The following ANKRD44 variants were observed in gnomAD, a reference collection of about 807,000 sequenced individuals.
The protein encoded by ANKRD44 is ankyrin repeat domain 44.
Under a neutral mutation model 116.0 loss-of-function variants are expected in ANKRD44, and 35 were observed. The observed-to-expected ratio is 0.30, with a 90% CI of 0.23 to 0.40. The LOEUF is 0.40. Ranked by LOEUF, ANKRD44 falls within the 10% of genes least tolerant of loss-of-function variation. The pLI is 1.00. For missense variants in ANKRD44, 1,014 were observed against 1,242.6 expected, an observed-to-expected ratio of 0.82 and a Z score of 2.77; for synonymous variants, 435 against 461.8, an observed-to-expected ratio of 0.94 and a Z score of 0.74.
intron 1 of ANKRD44, among the ~76,000 whole-genome samples, chr2:197,231,762 A>G (rs780806251): frequency 1.3e-5 from 2 of 152,052 alleles, no homozygotes; most frequent in Non-Finnish European, 2.9e-5. Flanking sequence ...ACTCTGCTCA[A>G]AGTCTTGAAT....
chr2:196,967,865 G>A (rs3901037), intron 21 of ANKRD44, among the ~76,000 whole-genome samples: 87,659 of 151,612 alleles, frequency 0.58, 28,041 homozygotes, highest in East Asian at 0.82. Context: ...GCTGGAGGTG[G>A]GGTGGGAGGT....
chr2:197,049,078 T>C (rs2077057255), intron 16 of ANKRD44, among the ~76,000 whole-genome samples: 1 of 152,222 alleles, frequency 6.6e-6, no homozygotes, highest in South Asian at 2.1e-4. Flanking sequence ...TTCTGGATAT[T>C]AGCCCTTTGT....
intron 1 of ANKRD44, among the ~76,000 whole-genome samples, chr2:197,300,654 G>A (rs1480589318): frequency 6.6e-6 from 1 of 151,778 alleles, no homozygotes; most frequent in East Asian, 1.9e-4. Context: ...ATCCTAATGT[G>A]TGATGGCTAA....
intron 2 of ANKRD44, among the ~76,000 whole-genome samples, chr2:197,184,639 C>CCA (rs2080607463): frequency 1.1e-5 from 1 of 92,324 alleles, no homozygotes. Context: ...GACTCCATCT[C>CCA]AAAAAAAAAA....
intron 4 of ANKRD44, among the ~76,000 whole-genome samples, chr2:197,127,736 T>C (rs2079008729): frequency 6.6e-6 from 1 of 152,210 alleles, no homozygotes; most frequent in Non-Finnish European, 1.5e-5. Flanking sequence ...TAAATGCATG[T>C]ATGGTGGTTT....
At chr2:197,307,449 A>C (rs2084105134) in intron 1 of ANKRD44, among the ~76,000 whole-genome samples, 1 of 151,884 alleles carries the variant, frequency 6.6e-6, no homozygotes, top group African/African-American at 2.4e-5. Context: ...CCCTGTGAAG[A>C]GGAAAACAGA....
chr2:197,252,607 C>T (rs536106762), intron 1 of ANKRD44, among the ~76,000 whole-genome samples: 1 of 152,192 alleles, frequency 6.6e-6, no homozygotes, highest in Non-Finnish European at 1.5e-5. Context: ...GGGGTTTCAC[C>T]GTGTATAACC....
At chr2:197,299,163 T>G (rs2083817259) in intron 1 of ANKRD44, among the ~76,000 whole-genome samples, 1 of 152,208 alleles carries the variant, frequency 6.6e-6, no homozygotes, top group South Asian at 2.1e-4. Context: ...AATTTATGGA[T>G]TTATATTTCC....
intron 27 of ANKRD44, chr2:196,990,991 C>A: frequency 8.4e-7 from 1 of 1,193,930 alleles, no homozygotes; most frequent in Non-Finnish European, 1.0e-6. Context: ...CACGAGCATT[C>A]CACAGTACAT....
Position 197,011,767 on chromosome 2 carries a change from C to A in ANKRD44, c.1924+1744G>T, listed in dbSNP as rs199562362. Among the ~76,000 whole-genome samples, 3 of 152,288 alleles carry A rather than the reference C, an allele frequency of 2.0e-5. No homozygotes were observed. In the East Asian group the frequency reaches 5.8e-4, roughly 29 times the overall value. The stretch of plus-strand genomic sequence containing the variant: ...GGATTACAGGCATGAACCACTGCGC[C>A]CAGCCCCTCAGGTAAATCTAAGTTC... On this transcript the variant is annotated intron_variant, in intron 18 of 27. Coordinates refer to ENST00000282272, the MANE Select transcript of ANKRD44 (RefSeq NM_001195144.2).
chr2:197,147,785 C>T lies in ANKRD44; in HGVS notation c.112-680G>A, dbSNP rs186743324. ...CATGAGATTATTTCAGATAAAACAC[C>T]GTATGGGATTAAGTGATTCAGGAGA... On this transcript the variant is annotated intron_variant, in intron 2 of 27. Transcript: ENST00000282272. The T allele has an allele frequency of 7.6e-5, 31 of 406,304 alleles. No individual in the cohort carries two copies. In the East Asian group the frequency reaches 2.1e-3, roughly 28 times the overall value. 25.2% of individuals were successfully genotyped at this position (406,304 alleles called of 1,614,324 possible).
chr2:196,991,763 GT>G (rs11321040), intron 27 of ANKRD44, among the ~76,000 whole-genome samples: 124,290 of 144,966 alleles, frequency 0.86, 53,984 homozygotes, highest in East Asian at 1. Flanking sequence ...TCTTTTTTTG[GT>G]TTTTTTTTTT....
intron 8 of ANKRD44, 115 bp from the exon 9 acceptor site, chr2:197,110,959 T>C: frequency 2.7e-6 from 2 of 742,396 alleles, no homozygotes; most frequent in Non-Finnish European, 4.7e-6. Flanking sequence ...CATTTATTTA[T>C]TTATTTTTTA....
At chr2:197,208,566 C>T (rs187086591) in intron 1 of ANKRD44, among the ~76,000 whole-genome samples, 8 of 152,080 alleles carry the variant, frequency 5.3e-5, no homozygotes, top group Non-Finnish European at 7.4e-5. Flanking sequence ...TTTGGGAGGC[C>T]GAGGAGGGCA....
At position 197,207,357 on chromosome 2, in the gene ANKRD44, T is replaced by C. The variant is rs535223076; in HGVS notation, c.28-20251A>G. Among the ~76,000 whole-genome samples, 6 of 152,328 alleles carry C rather than the reference T, an allele frequency of 3.9e-5. No homozygotes were observed. The South Asian group carries it at 1.2e-3, about 32-fold the overall frequency. On this transcript the variant is annotated intron_variant, in intron 1 of 27. Coordinates refer to ENST00000282272, the MANE Select transcript of ANKRD44 (RefSeq NM_001195144.2). ...AGCCACAACATTCTTTTAATTCTTT[T>C]AGTCTATCCCAGTGTAATAATCACC...
At chr2:197,224,895 A>G (rs1433401154) in intron 1 of ANKRD44, among the ~76,000 whole-genome samples, 1 of 152,242 alleles carries the variant, frequency 6.6e-6, no homozygotes, top group African/African-American at 2.4e-5. Flanking sequence ...ATTGTTATAG[A>G]TCATAGGCTC....
chr2:197,239,316 T>G (rs2082041446), intron 1 of ANKRD44, among the ~76,000 whole-genome samples: 1 of 152,100 alleles, frequency 6.6e-6, no homozygotes, highest in Non-Finnish European at 1.5e-5. Flanking sequence ...ACTGAAGCCT[T>G]GGCCACCCGG....
intron 2 of ANKRD44, among the ~76,000 whole-genome samples, chr2:197,153,827 G>A (rs2079727798): frequency 6.6e-6 from 1 of 152,198 alleles, no homozygotes; most frequent in South Asian, 2.1e-4. Flanking sequence ...GTGTTTGCAT[G>A]TGTGTGTTTG....
chr2:197,259,670 G>A (rs1382082360), intron 1 of ANKRD44, among the ~76,000 whole-genome samples: 2 of 152,140 alleles, frequency 1.3e-5, no homozygotes, highest in African/African-American at 2.4e-5. Context: ...AGACTCCAAC[G>A]TGCCAGGTGC....
Sources: allele counts gnomAD v4.1 joint callset (sites outside exome capture counted in the v4.1 genomes callset), GRCh38; gene constraint gnomAD v4.1.1; transcripts MANE v1.5; gene names NCBI Gene and HGNC (gene_info 2026-07-23, HGNC 2026-07-21).